Variants in PIGK observed in about 807,000 individuals in gnomAD.
The protein encoded by PIGK is GPI-anchor transamidase.
In PIGK, 42 loss-of-function variants were observed where a neutral mutation model predicts 50.6. The ratio of observed to expected loss-of-function variants is 0.83; its 90% CI spans 0.65 to 1.07. The LOEUF (loss-of-function observed/expected upper bound fraction) is 1.07, where lower values mean the gene tolerates loss of function less well. Ranked by LOEUF, PIGK falls within the 50% of genes least tolerant of loss-of-function variation. The probability of loss-of-function intolerance (pLI) is 0.00; values close to 1 mark genes in which losing one functional copy is unlikely to be tolerated. For synonymous variants in PIGK, 151 were observed against 156.0 expected, an observed-to-expected ratio of 0.97 and a Z score of 0.24; for missense variants, 448 against 488.7, an observed-to-expected ratio of 0.92 and a Z score of 0.78.
intron 9 of PIGK, among the ~76,000 whole-genome samples, chr1:77,140,457 G>C (rs1239738947): frequency 1.3e-5 from 2 of 151,962 alleles, no homozygotes; most frequent in African/African-American, 4.8e-5. Context: ...CTCCCCAAAA[G>C]TAGATACCCC....
chr1:77,153,413 A>G (rs1033107091), intron 9 of PIGK: 22 of 152,108 alleles, frequency 1.4e-4, no homozygotes, highest in Admixed American at 1.3e-3. Context: ...GTTAGAAGAT[A>G]TAAGTTCTAG....
intron 8 of PIGK, among the ~76,000 whole-genome samples, chr1:77,156,474 T>C (rs1655011119): frequency 6.6e-6 from 1 of 152,218 alleles, no homozygotes; most frequent in Non-Finnish European, 1.5e-5. Flanking sequence ...AATTACAGAA[T>C]GTCCTCACTC....
At chr1:77,169,492 T>C (rs914707811) in intron 3 of PIGK, 97 bp from the exon 4 acceptor site, 6 of 902,072 alleles carry the variant, frequency 6.7e-6, no homozygotes, top group Admixed American at 3.1e-5. Context: ...TTCATTTTTC[T>C]CCTCCTTAAA....
intron 8 of PIGK, among the ~76,000 whole-genome samples, chr1:77,157,504 T>C (rs1485854458): frequency 3.9e-5 from 6 of 152,226 alleles, no homozygotes; most frequent in South Asian, 2.1e-4. Context: ...ACTTTCGAGA[T>C]AGCATGTCAT....
intron 3 of PIGK, among the ~76,000 whole-genome samples, chr1:77,196,165 C>G (rs1430573824): frequency 6.6e-6 from 1 of 152,108 alleles, no homozygotes; most frequent in Non-Finnish European, 1.5e-5. Context: ...GATCTTTGTT[C>G]TTTTTATGGC....
chr1:77,092,146 C>T lies in PIGK; in HGVS notation c.*228G>A, dbSNP rs904736175. The T allele has an allele frequency of 3.6e-6, 1 of 278,628 alleles. No homozygotes were observed. The highest frequency in any genetic ancestry group is 7.8e-5 in the East Asian group (1 of 12,746). The allele number at this position is 278,628 out of a possible 1,614,324, so 17.3% of individuals were successfully genotyped here. ...AATGTATTCTGATCTCTGTCTCATT[C>T]GCTTTTATAATACACAAAATACAAA... On this transcript the variant is annotated 3_prime_UTR_variant, in exon 11 of 11. Coordinates refer to ENST00000370812, the MANE Select transcript of PIGK (RefSeq NM_005482.3).
chr1:77,183,455 A>C (rs894110956), intron 3 of PIGK, among the ~76,000 whole-genome samples: 1 of 152,188 alleles, frequency 6.6e-6, no homozygotes, highest in Admixed American at 6.5e-5. Context: ...AGCCACCTCC[A>C]ACACCCCTGT....
chr1:77,115,349 C>T (rs557045249), intron 10 of PIGK, among the ~76,000 whole-genome samples: 1 of 152,024 alleles, frequency 6.6e-6, no homozygotes, highest in Non-Finnish European at 1.5e-5. Flanking sequence ...TGGGCAGAGA[C>T]TGCAAATAAT....
At chr1:77,149,407 G>C (rs1368830302) in intron 9 of PIGK, among the ~76,000 whole-genome samples, 1 of 151,766 alleles carries the variant, frequency 6.6e-6, no homozygotes, top group Non-Finnish European at 1.5e-5. Context: ...AATAGAAAAA[G>C]ATATTTTATG....
chr1:77,094,198 C>T (rs956379015), intron 10 of PIGK, among the ~76,000 whole-genome samples: 1 of 152,108 alleles, frequency 6.6e-6, no homozygotes, highest in African/African-American at 2.4e-5. Flanking sequence ...AGTGGAAGCA[C>T]ATTTTATACA....
At chr1:77,120,334 T>G (rs1055583905) in intron 10 of PIGK, among the ~76,000 whole-genome samples, 1 of 152,122 alleles carries the variant, frequency 6.6e-6, no homozygotes, top group African/African-American at 2.4e-5. Flanking sequence ...TAGTCCCACC[T>G]CAGCCTCCCG....
At chr1:77,165,472 G>A (rs1341267039) in intron 5 of PIGK, among the ~76,000 whole-genome samples, 3 of 151,996 alleles carry the variant, frequency 2.0e-5, no homozygotes, top group Admixed American at 6.5e-5. Flanking sequence ...ATGTTGACAT[G>A]TGATATCTAA....
intron 1 of PIGK, among the ~76,000 whole-genome samples, chr1:77,216,404 A>G (rs1225610471): frequency 3.9e-5 from 6 of 152,196 alleles, no homozygotes; most frequent in African/African-American, 1.4e-4. Flanking sequence ...TGCTGTAGTA[A>G]TACAAGTTAA....
chr1:77,108,611 GT>G (rs1653755710), intron 10 of PIGK, among the ~76,000 whole-genome samples: 2 of 152,048 alleles, frequency 1.3e-5, no homozygotes, highest in African/African-American at 4.8e-5. Flanking sequence ...GGCATTCTCT[GT>G]ATTTCCTGAA....
intron 3 of PIGK, among the ~76,000 whole-genome samples, chr1:77,192,055 T>G (rs997397512): frequency 2.7e-4 from 41 of 151,738 alleles, no homozygotes; most frequent in African/African-American, 9.9e-4. Context: ...GGACTGCTTG[T>G]GCCCAGGAGG....
At chr1:77,116,367 A>C (rs893557867) in intron 10 of PIGK, among the ~76,000 whole-genome samples, 1 of 151,848 alleles carries the variant, frequency 6.6e-6, no homozygotes, top group African/African-American at 2.4e-5. Context: ...TTGTGTTTTT[A>C]GTAGAGACGG....
chr1:77,158,010 TTTTGTTTG>T (rs926706121), intron 8 of PIGK, among the ~76,000 whole-genome samples: 2 of 152,026 alleles, frequency 1.3e-5, no homozygotes, highest in African/African-American at 2.4e-5. Context: ...TTTTTGTTAT[TTTTGTTTG>T]TTTGTTTGTT....
intron 9 of PIGK, chr1:77,154,057 T>G (rs1241380368): frequency 4.3e-6 from 1 of 234,450 alleles, no homozygotes; most frequent in African/African-American, 2.3e-5. Flanking sequence ...CACTGCTCAC[T>G]CACATACAAT....
chr1:77,105,385 TG>T (rs1461244694), intron 10 of PIGK, among the ~76,000 whole-genome samples: 1 of 151,988 alleles, frequency 6.6e-6, no homozygotes, highest in Non-Finnish European at 1.5e-5. Flanking sequence ...CTTTGGGCCA[TG>T]GGTTTCAGGC....
Sources: gnomAD v4.1 joint callset for allele counts (sites outside exome capture counted in the v4.1 genomes callset) on GRCh38, gnomAD v4.1.1 for gene constraint, MANE v1.5 for transcripts, NCBI Gene and HGNC (gene_info 2026-07-23, HGNC 2026-07-21) for gene names.